The following CFAP299 variants were observed in gnomAD, a reference collection of about 807,000 sequenced individuals.
CFAP299 encodes cilia and flagella associated protein 299.
Under a neutral mutation model 27.0 loss-of-function variants are expected in CFAP299, and 21 were observed. The observed-to-expected ratio is 0.78, with a 90% CI of 0.55 to 1.12. The LOEUF (loss-of-function observed/expected upper bound fraction) is 1.12, where lower values mean the gene tolerates loss of function less well. Ranked by LOEUF, CFAP299 falls within the 50% of genes most tolerant of loss-of-function variation. The probability of loss-of-function intolerance (pLI) is 0.00; values close to 1 mark genes in which losing one functional copy is unlikely to be tolerated. For missense variants in CFAP299, 310 were observed against 276.6 expected (o/e 1.12, Z -0.86); for synonymous variants, 104 against 98.1 (o/e 1.06, Z -0.36).
rs371694526 is a variant in CFAP299 at position 80,419,307 on chromosome 4, C to G, written c.242+56423C>G. On this transcript the variant is annotated intron_variant, in intron 2 of 5. Transcript: ENST00000358105. The stretch of plus-strand genomic sequence containing the variant: ...TGCGTTCCTTCTCCCCTGATTCTTC[C>G]CTTGGGGTGGGCTGTTCACATGCGC... Among the ~76,000 whole-genome samples the G allele has an allele frequency of 7.9e-5, 12 of 152,224 alleles. No homozygotes were observed. The East Asian group carries it at 1.2e-3, about 15-fold the overall frequency.
chr4:80,364,170 T>C (rs1020262254), intron 2 of CFAP299, among the ~76,000 whole-genome samples: 3 of 149,662 alleles, frequency 2.0e-5, no homozygotes, highest in Admixed American at 2.0e-4. Flanking sequence ...AAGCCCTCTG[T>C]ATAGTATATC....
At chr4:80,808,866 A>G (rs1728999385) in intron 3 of CFAP299, among the ~76,000 whole-genome samples, 1 of 152,102 alleles carries the variant, frequency 6.6e-6, no homozygotes, top group Non-Finnish European at 1.5e-5. Flanking sequence ...ATGATTTACG[A>G]TCAGATGGAT....
chr4:80,940,494 C>A (rs1737138545), intron 4 of CFAP299, among the ~76,000 whole-genome samples: 1 of 152,106 alleles, frequency 6.6e-6, no homozygotes, highest in African/African-American at 2.4e-5. Context: ...TGTGTTTATC[C>A]TCAAACTTTT....
At chr4:80,816,132 G>A (rs1729409100) in intron 3 of CFAP299, among the ~76,000 whole-genome samples, 1 of 151,870 alleles carries the variant, frequency 6.6e-6, no homozygotes, top group Non-Finnish European at 1.5e-5. Flanking sequence ...ATCAAAATAT[G>A]AGAATAAGAT....
At chr4:80,421,024 A>G (rs1727263042) in intron 2 of CFAP299, among the ~76,000 whole-genome samples, 1 of 151,948 alleles carries the variant, frequency 6.6e-6, no homozygotes, top group Non-Finnish European at 1.5e-5. Flanking sequence ...GTTTGGTGCC[A>G]GGGTCTGGTT....
chr4:80,644,062 T>C (rs998106344), intron 3 of CFAP299, among the ~76,000 whole-genome samples: 2 of 152,174 alleles, frequency 1.3e-5, no homozygotes, highest in South Asian at 4.1e-4. Context: ...GGGAATACTG[T>C]GTAGTTATTA....
chr4:80,923,188 G>A (rs1736132744), intron 4 of CFAP299, among the ~76,000 whole-genome samples: 1 of 151,956 alleles, frequency 6.6e-6, no homozygotes, highest in East Asian at 1.9e-4. Flanking sequence ...TTCACCCACA[G>A]CCAGGAAGAG....
intron 3 of CFAP299, among the ~76,000 whole-genome samples, chr4:80,780,906 C>G (rs978464617): frequency 6.6e-6 from 1 of 151,340 alleles, no homozygotes; most frequent in African/African-American, 2.4e-5. Flanking sequence ...TAAATTAGAC[C>G]CAAAACTCAT....
At chr4:80,623,776 C>T (rs1304032136) in intron 3 of CFAP299, among the ~76,000 whole-genome samples, 2 of 152,154 alleles carry the variant, frequency 1.3e-5, no homozygotes, top group African/African-American at 4.8e-5. Flanking sequence ...CAGACCCCCA[C>T]AGCCCCATAC....
chr4:80,404,931 A>G (rs1025357261), intron 2 of CFAP299, among the ~76,000 whole-genome samples: 1 of 152,172 alleles, frequency 6.6e-6, no homozygotes, highest in African/African-American at 2.4e-5. Flanking sequence ...CTCTGCATCC[A>G]AGTCAACGCT....
chr4:80,963,691 A>G lies in CFAP299; in HGVS notation c.*79A>G. On this transcript the variant is annotated 3_prime_UTR_variant, in exon 6 of 6. Transcript: ENST00000358105. ...ACAGAGCAAATTAGAATAATAAATG[A>G]GCCCTGTAGCTGGAAGGCAAATTAG... The G allele has an allele frequency of 1.1e-6, 1 of 902,720 alleles. No individual in the cohort carries two copies. Among genetic ancestry groups the G allele is most frequent in the Non-Finnish European group, 1.7e-6 (1 of 580,248 alleles). The allele number at this position is 902,720 out of a possible 1,614,324, so 55.9% of individuals were successfully genotyped here.
chr4:80,576,843 G>T (rs1735890751), intron 2 of CFAP299, among the ~76,000 whole-genome samples: 1 of 152,104 alleles, frequency 6.6e-6, no homozygotes. Flanking sequence ...TGAAATATAG[G>T]CTAGATTGGA....
intron 3 of CFAP299, among the ~76,000 whole-genome samples, chr4:80,820,188 G>A (rs1173451759): frequency 2.0e-5 from 3 of 152,056 alleles, no homozygotes; most frequent in Admixed American, 2.0e-4. Context: ...AATTTTTCAT[G>A]ATGATATTAT....
chr4:80,370,083 C>G (rs1392284081), intron 2 of CFAP299, among the ~76,000 whole-genome samples: 2 of 152,140 alleles, frequency 1.3e-5, no homozygotes, highest in Non-Finnish European at 2.9e-5. Flanking sequence ...GGGGAGTCCT[C>G]AGGAAACTTA....
At chr4:80,355,826 A>C (rs1723246075) in intron 1 of CFAP299, among the ~76,000 whole-genome samples, 1 of 152,176 alleles carries the variant, frequency 6.6e-6, no homozygotes, top group Non-Finnish European at 1.5e-5. Flanking sequence ...TGCTATGCAG[A>C]AGCCCTTTAG....
chr4:80,527,563 A>G lies in CFAP299; in HGVS notation c.243-55530A>G, dbSNP rs75890080. On this transcript the variant is annotated intron_variant, in intron 2 of 5. Transcript: ENST00000358105. ...AGGCAGAATTAGAAAGCAAAAGCCC[A>G]TCCATAATCAGGCTTCTTCCATTCC... 5.8e-3 allele frequency among the ~76,000 whole-genome samples: 887 copies of G among 152,258 alleles called. 6 individuals are homozygous for G. Among genetic ancestry groups the G allele is most frequent in the African/African-American group, 0.02 (825 of 41,568 alleles).
chr4:80,898,314 C>A (rs1734713466), intron 4 of CFAP299, among the ~76,000 whole-genome samples: 1 of 152,078 alleles, frequency 6.6e-6, no homozygotes, highest in South Asian at 2.1e-4. Context: ...CCCCCAAAGT[C>A]TGGCTATCCC....
intron 4 of CFAP299, among the ~76,000 whole-genome samples, chr4:80,910,115 C>T (rs1340609444): frequency 6.6e-6 from 1 of 152,142 alleles, no homozygotes; most frequent in Non-Finnish European, 1.5e-5. Context: ...CACATCTAAA[C>T]TTTACCCCAG....
At chr4:80,715,989 C>T (rs1433636573) in intron 3 of CFAP299, among the ~76,000 whole-genome samples, 2 of 151,812 alleles carry the variant, frequency 1.3e-5, no homozygotes, top group African/African-American at 4.8e-5. Flanking sequence ...TCTGGGAATC[C>T]AATTTGATTT....
Sources: allele counts gnomAD v4.1 joint callset (sites outside exome capture counted in the v4.1 genomes callset), GRCh38; gene constraint gnomAD v4.1.1; transcripts MANE v1.5; gene names NCBI Gene and HGNC (gene_info 2026-07-23, HGNC 2026-07-21).